ZNF541: variants seen among roughly 807,000 people sequenced by gnomAD.
The protein encoded by ZNF541 is zinc finger protein 541.
Under a neutral mutation model 123.5 loss-of-function variants are expected in ZNF541, and 23 were observed. The ratio of observed to expected loss-of-function variants is 0.19; its 90% CI spans 0.13 to 0.26. The LOEUF is 0.26. Ranked by LOEUF, ZNF541 falls within the 10% of genes least tolerant of loss-of-function variation. The pLI, the probability that ZNF541 is intolerant of heterozygous loss-of-function variation, is 1.00. For synonymous variants in ZNF541, 751 were observed against 754.5 expected, an observed-to-expected ratio of 1.00 and a Z score of 0.08; for missense variants, 1,612 against 1,789.9, an observed-to-expected ratio of 0.90 and a Z score of 1.79.
At chr19:47,572,603 A>G (rs1971513851) in intron 1 of ZNF541, among the ~76,000 whole-genome samples, 1 of 151,896 alleles carries the variant, frequency 6.6e-6, no homozygotes, top group Non-Finnish European at 1.5e-5. Context: ...AAAAGGGATA[A>G]ATCTGGGTGC....
intron 5 of ZNF541, among the ~76,000 whole-genome samples, chr19:47,543,082 C>A (rs1970152786): frequency 6.6e-6 from 1 of 152,050 alleles, no homozygotes; most frequent in African/African-American, 2.4e-5. Flanking sequence ...CAAGACCAGG[C>A]TGGGCAACAT....
chr19:47,528,340 C>CA (rs1250085537), intron 14 of ZNF541, among the ~76,000 whole-genome samples: 6 of 144,438 alleles, frequency 4.2e-5, no homozygotes, highest in Admixed American at 3.4e-4. Context: ...AAAAAAGAGA[C>CA]AGAGTCCTAC....
chr19:47,567,143 T>C (rs937331937), intron 2 of ZNF541, among the ~76,000 whole-genome samples: 1 of 152,182 alleles, frequency 6.6e-6, no homozygotes, highest in East Asian at 1.9e-4. Context: ...GCACTTTCTG[T>C]GCTACTAAGC....
In ZNF541 at chr19:47,521,101, C is replaced by G. The variant is rs900848562; in HGVS notation, c.*123G>C. The G allele has an allele frequency of 8.8e-6, 11 of 1,247,916 alleles. No homozygotes were observed. Among genetic ancestry groups the G allele is most frequent in the Middle Eastern group, 2.8e-4 (1 of 3,530 alleles). 77.3% of individuals were successfully genotyped at this position (1,247,916 alleles called of 1,614,324 possible). On this transcript the variant is annotated 3_prime_UTR_variant, in exon 17 of 17. Transcript: ENST00000391901. The surrounding 1 kb of genome is among the most constrained non-coding windows in gnomAD (Gnocchi z 4.2). The stretch of plus-strand genomic sequence containing the variant: ...GCCAAATGCCCTCCATGTTTGCAGG[C>G]AGGTTGGCCAACAGGGGACAGGGAG...
chr19:47,554,707 C>T (rs1970740403), intron 3 of ZNF541, among the ~76,000 whole-genome samples: 1 of 152,210 alleles, frequency 6.6e-6, no homozygotes, highest in South Asian at 2.1e-4. Flanking sequence ...TAAATGCTAA[C>T]ATCTGCCCAC....
At chr19:47,525,729 C>T (rs184775679) in intron 14 of ZNF541, among the ~76,000 whole-genome samples, 5 of 151,960 alleles carry the variant, frequency 3.3e-5, no homozygotes, top group Non-Finnish European at 5.9e-5. Context: ...CTGGTTAACA[C>T]GGTGAAACCC....
intron 5 of ZNF541, among the ~76,000 whole-genome samples, chr19:47,543,868 T>C (rs1722279976): frequency 6.6e-6 from 1 of 152,030 alleles, no homozygotes; most frequent in South Asian, 2.1e-4. Context: ...GATCTCGAAC[T>C]CCTGAGCTCA....
intron 9 of ZNF541, among the ~76,000 whole-genome samples, chr19:47,536,928 C>T (rs1475996525): frequency 1.3e-5 from 2 of 152,160 alleles, no homozygotes; most frequent in Non-Finnish European, 1.5e-5. Context: ...CTGATATGCA[C>T]TACAATATGA....
intron 2 of ZNF541, among the ~76,000 whole-genome samples, chr19:47,569,397 G>A (rs1472195638): frequency 6.6e-6 from 1 of 152,064 alleles, no homozygotes; most frequent in Non-Finnish European, 1.5e-5. Flanking sequence ...CACCAATGAG[G>A]TAAATAGTCC....
intron 14 of ZNF541, among the ~76,000 whole-genome samples, chr19:47,523,335 C>CT (rs146852833): frequency 2.8e-5 from 3 of 106,914 alleles, no homozygotes; most frequent in Admixed American, 1.1e-4. Context: ...GCGAGCGTCT[C>CT]TTTTAAAAAA....
At chr19:47,528,073 G>A (rs1334938169) in intron 14 of ZNF541, among the ~76,000 whole-genome samples, 1 of 137,160 alleles carries the variant, frequency 7.3e-6, no homozygotes, top group African/African-American at 2.7e-5. Context: ...CCAGCACTTT[G>A]GGAGGCTGAG....
chr19:47,551,456 T>G (rs574190536), intron 3 of ZNF541, among the ~76,000 whole-genome samples: 1 of 151,896 alleles, frequency 6.6e-6, no homozygotes, highest in Non-Finnish European at 1.5e-5. Context: ...ACCGCAGCCT[T>G]GAACTCCTGG....
intron 4 of ZNF541, 112 bp downstream of exon 4, chr19:47,549,133 C>T (rs1600033756): frequency 2.7e-6 from 4 of 1,458,028 alleles, no homozygotes; most frequent in Non-Finnish European, 3.7e-6. Context: ...TCTGGAAAAC[C>T]CAACAGAGGA....
At chr19:47,529,084 AC>A in intron 13 of ZNF541, 46 bp from the exon 14 acceptor site, 1 of 1,412,600 alleles carries the variant, frequency 7.1e-7, no homozygotes, top group Non-Finnish European at 9.8e-7. Context: ...TTGTCCTGGG[AC>A]CACAGCCATG....
rs1226997718 is a variant in ZNF541 at position 47,544,233 on chromosome 19, T to C, written c.2296A>G (p.Met766Val). ...GFRKEKAKMD[M>V]CCAASPSQVA... ...TGGCTCGGAGAAGCCGCACAGCACATATCCATCTTCGCCTTCTCTTTCCGG... is the reference window on the plus strand; with the variant it reads ...TGGCTCGGAGAAGCCGCACAGCACACATCCATCTTCGCCTTCTCTTTCCGG... Residue 766 changes from methionine to valine, a missense_variant, in exon 5 of 17, where the codon ATG becomes GTG. Physicochemically the swap from Met to Val is conservative, Grantham distance 21. Coordinates refer to ENST00000391901, the MANE Select transcript of ZNF541 (RefSeq NM_001277075.3). The C allele has an allele frequency of 6.4e-7, 1 of 1,551,590 alleles. No homozygotes were observed.
At chr19:47,552,331 T>C (rs1357500049) in intron 3 of ZNF541, among the ~76,000 whole-genome samples, 1 of 152,168 alleles carries the variant, frequency 6.6e-6, no homozygotes, top group East Asian at 1.9e-4. Context: ...GAAGGGAAAC[T>C]GGGCTGGGAG....
At chr19:47,548,397 C>T (rs927827167) in intron 4 of ZNF541, among the ~76,000 whole-genome samples, 13 of 137,648 alleles carry the variant, frequency 9.4e-5, no homozygotes, top group Admixed American at 3.9e-4. Context: ...GAGCCGAGAT[C>T]GTGCCACTGC....
At chr19:47,535,538 G>A (rs1443322927) in intron 9 of ZNF541, among the ~76,000 whole-genome samples, 4 of 152,082 alleles carry the variant, frequency 2.6e-5, no homozygotes, top group African/African-American at 9.7e-5. Context: ...AAAACAATCC[G>A]GCAGTTTGTA....
At chr19:47,529,083 G>T in intron 13 of ZNF541, 45 bp from the exon 14 acceptor site, 1 of 1,416,060 alleles carries the variant, frequency 7.1e-7, no homozygotes. Context: ...TTTGTCCTGG[G>T]ACCACAGCCA....
Sources: allele counts gnomAD v4.1 joint callset (sites outside exome capture counted in the v4.1 genomes callset), GRCh38; gene constraint gnomAD v4.1.1; non-coding constraint Gnocchi (gnomAD v3.1); transcripts MANE v1.5; gene names NCBI Gene and HGNC (gene_info 2026-07-23, HGNC 2026-07-21).